The following MSI2 variants were observed in gnomAD, a reference collection of about 807,000 sequenced individuals.
MSI2 encodes the protein musashi RNA binding protein 2.
MSI2 carries 17 observed loss-of-function variants against 45.6 expected under a neutral mutation model. The ratio of observed to expected loss-of-function variants is 0.37; its 90% CI spans 0.26 to 0.56. MSI2 has a LOEUF of 0.56. Among genes scored for constraint, MSI2 ranks in the 20% least tolerant of loss-of-function variants. The pLI, the probability that MSI2 is intolerant of heterozygous loss-of-function variation, is 0.77. For synonymous variants in MSI2, 156 were observed against 158.2 expected (o/e 0.99, Z 0.11); for missense variants, 293 against 444.2 (o/e 0.66, Z 3.06).
chr17:57,507,223 CTCTGTGTGTGTGTG>C (rs1357968001), intron 6 of MSI2, among the ~76,000 whole-genome samples: 2,989 of 109,860 alleles, frequency 0.027, 129 homozygotes, highest in Non-Finnish European at 0.035. Context: ...GTCTTTGTCT[CTCTGTGTGTGTGTG>C]TGTGTGTGTG....
At chr17:57,511,988 A>G (rs371951190) in intron 6 of MSI2, among the ~76,000 whole-genome samples, 19 of 151,758 alleles carry the variant, frequency 1.3e-4, no homozygotes, top group Admixed American at 5.9e-4. Context: ...TTGCTTAGAA[A>G]CCACCTCCTG....
At chr17:57,502,823 G>A (rs1205801674) in intron 6 of MSI2, among the ~76,000 whole-genome samples, 2 of 151,556 alleles carry the variant, frequency 1.3e-5, no homozygotes, top group African/African-American at 2.4e-5. Context: ...GCTCTGCTCT[G>A]ACCTTACAGC....
intron 5 of MSI2, among the ~76,000 whole-genome samples, chr17:57,284,023 C>G (rs1909651091): frequency 6.6e-6 from 1 of 152,192 alleles, no homozygotes; most frequent in African/African-American, 2.4e-5. Flanking sequence ...TCAGGCGAAT[C>G]AAGTGGCCTC....
intron 6 of MSI2, among the ~76,000 whole-genome samples, chr17:57,402,125 T>C (rs2084003954): frequency 6.6e-6 from 1 of 152,018 alleles, no homozygotes. Flanking sequence ...GACCGACTGA[T>C]AGGACATGTC....
chr17:57,285,833 C>G, intron 5 of MSI2: 1 of 1,445,242 alleles, frequency 6.9e-7, no homozygotes, highest in South Asian at 1.5e-5. Flanking sequence ...GCCAAGCCTC[C>G]TACCACTCAC....
At chr17:57,420,384 C>T (rs1047684834) in intron 6 of MSI2, among the ~76,000 whole-genome samples, 9 of 152,170 alleles carry the variant, frequency 5.9e-5, no homozygotes, top group African/African-American at 2.2e-4. Flanking sequence ...TCCTTGCTCT[C>T]CCCCACTTTT....
intron 7 of MSI2, among the ~76,000 whole-genome samples, chr17:57,586,074 C>T (rs746925006): frequency 1.9e-4 from 29 of 152,200 alleles, no homozygotes; most frequent in Admixed American, 3.9e-4. Context: ...ACTATTTTCC[C>T]GACCAAGATG....
At chr17:57,439,211 T>TTGGC (rs1253705776) in intron 6 of MSI2, among the ~76,000 whole-genome samples, 1 of 152,216 alleles carries the variant, frequency 6.6e-6, no homozygotes, top group Non-Finnish European at 1.5e-5. Flanking sequence ...TGGGGAAGGC[T>TTGGC]TGGCTTCTGG....
rs111464680 is a variant in MSI2 at position 57,268,810 on chromosome 17, A to G, written c.312+6618A>G. Among the ~76,000 whole-genome samples, 10 of 152,168 alleles carry G rather than the reference A, an allele frequency of 6.6e-5. 1 individual carries two copies. The highest frequency in any genetic ancestry group is 2.0e-4 in the Admixed American group (3 of 15,282). On this transcript the variant is annotated intron_variant, in intron 5 of 13. Transcript: ENST00000284073. ...AGATTGCGCCACTGCACTCCAGCCT[A>G]GGTAACAGAGCGAGACTCCATCTCA...
intron 5 of MSI2, among the ~76,000 whole-genome samples, chr17:57,304,335 C>T (rs1427855564): frequency 1.4e-4 from 17 of 125,884 alleles, no homozygotes; most frequent in Non-Finnish European, 8.0e-5. Context: ...TCAGCCTGGG[C>T]GACAGAGTGA....
chr17:57,366,875 C>T (rs1372457788), intron 5 of MSI2, among the ~76,000 whole-genome samples: 1 of 152,170 alleles, frequency 6.6e-6, no homozygotes, highest in Admixed American at 6.5e-5. Flanking sequence ...TGGCTGTTGG[C>T]TGTTTATTTG....
chr17:57,620,865 A>C (rs1213662102), intron 9 of MSI2, among the ~76,000 whole-genome samples: 8 of 152,164 alleles, frequency 5.3e-5, no homozygotes, highest in Admixed American at 5.2e-4. Flanking sequence ...GAAGGGATGA[A>C]TCAGATGCAG....
Position 57,328,848 on chromosome 17 carries a change from G to T in MSI2, c.312+66656G>T, listed in dbSNP as rs1011286699. On this transcript the variant is annotated intron_variant, in intron 5 of 13. Coordinates refer to ENST00000284073, the MANE Select transcript of MSI2 (RefSeq NM_138962.4). ...GTTTGGGTTGGGTTTGGTGGAGGGGGACTTTGAATACATTTTGGTGGTTTA... is the reference window on the plus strand; with the variant it reads ...GTTTGGGTTGGGTTTGGTGGAGGGGTACTTTGAATACATTTTGGTGGTTTA... Among the ~76,000 whole-genome samples the T allele has an allele frequency of 3.9e-5, 6 of 152,180 alleles. No homozygotes were observed. In the South Asian group the frequency reaches 1.2e-3, roughly 32 times the overall value.
At chr17:57,373,291 C>T (rs956200377) in intron 5 of MSI2, among the ~76,000 whole-genome samples, 7 of 152,058 alleles carry the variant, frequency 4.6e-5, no homozygotes, top group East Asian at 1.9e-4. Flanking sequence ...TTCACCCTCT[C>T]ATTTTACAGA....
intron 8 of MSI2, among the ~76,000 whole-genome samples, chr17:57,607,853 CGA>C (rs1297473006): frequency 2.6e-5 from 4 of 152,030 alleles, no homozygotes; most frequent in Non-Finnish European, 5.9e-5. Flanking sequence ...TGCAAGCAAG[CGA>C]GAGAGTGCAG....
intron 13 of MSI2, 58 bp downstream of exon 13, chr17:57,677,117 C>A: frequency 1.7e-6 from 2 of 1,197,288 alleles, no homozygotes; most frequent in Non-Finnish European, 2.5e-6. Flanking sequence ...CATGTATGTC[C>A]ACAGGTCATA....
At chr17:57,394,119 A>G (rs2083845821) in intron 5 of MSI2, among the ~76,000 whole-genome samples, 4 of 152,180 alleles carry the variant, frequency 2.6e-5, no homozygotes, top group Admixed American at 2.0e-4. Flanking sequence ...TCATTTTTGC[A>G]TCTTTGCTGC....
At chr17:57,287,390 G>C (rs976618614) in intron 5 of MSI2, among the ~76,000 whole-genome samples, 1 of 152,148 alleles carries the variant, frequency 6.6e-6, no homozygotes, top group African/African-American at 2.4e-5. Context: ...CTCTCGGCCA[G>C]CCTCAAGGAA....
intron 6 of MSI2, among the ~76,000 whole-genome samples, chr17:57,488,754 G>A (rs192974851): frequency 4.5e-4 from 68 of 152,124 alleles, no homozygotes; most frequent in Non-Finnish European, 8.1e-4. Context: ...AACCCAGGAG[G>A]CAGAGGTTGC....
Sources: gnomAD v4.1 joint callset for allele counts (sites outside exome capture counted in the v4.1 genomes callset) on GRCh38, gnomAD v4.1.1 for gene constraint, MANE v1.5 for transcripts, NCBI Gene and HGNC (gene_info 2026-07-23, HGNC 2026-07-21) for gene names.